The following SRGAP1 variants were observed in gnomAD, a reference collection of about 807,000 sequenced individuals.
SRGAP1 encodes the protein SLIT-ROBO Rho GTPase-activating protein 1.
In SRGAP1, 43 loss-of-function variants were observed where a neutral mutation model predicts 121.9. That is an observed-to-expected ratio of 0.35 (90% CI 0.28 to 0.46). The LOEUF (loss-of-function observed/expected upper bound fraction) is 0.46. Ranked by LOEUF, SRGAP1 falls within the 20% of genes least tolerant of loss-of-function variation. The pLI is 1.00. For synonymous variants in SRGAP1, 447 were observed against 485.4 expected, an observed-to-expected ratio of 0.92 and a Z score of 1.04; for missense variants, 1,102 against 1,350.9, an observed-to-expected ratio of 0.82 and a Z score of 2.89.
At chr12:63,910,529 T>C (rs1485750196) in intron 1 of SRGAP1, among the ~76,000 whole-genome samples, 1 of 152,334 alleles carries the variant, frequency 6.6e-6, no homozygotes, top group East Asian at 1.9e-4. Context: ...CTGACCCATT[T>C]TGATCTTGCA....
chr12:63,910,912 G>C (rs541532140), intron 1 of SRGAP1, among the ~76,000 whole-genome samples: 4 of 152,156 alleles, frequency 2.6e-5, no homozygotes, highest in Admixed American at 6.5e-5. Flanking sequence ...GACAACTCTA[G>C]AGTAGAGATG....
intron 3 of SRGAP1, among the ~76,000 whole-genome samples, chr12:63,998,738 C>T (rs2033788257): frequency 6.6e-6 from 1 of 152,288 alleles, no homozygotes; most frequent in Non-Finnish European, 1.5e-5. Context: ...ACTCTTAAGA[C>T]AATACCAGGC....
At chr12:63,910,649 AATATCT>A (rs1233184251) in intron 1 of SRGAP1, among the ~76,000 whole-genome samples, 1 of 152,222 alleles carries the variant, frequency 6.6e-6, no homozygotes, top group African/African-American at 2.4e-5. Flanking sequence ...ATGATTTAGT[AATATCT>A]ATAAGACATG....
intron 10 of SRGAP1, among the ~76,000 whole-genome samples, chr12:64,084,815 A>G (rs2035909854): frequency 6.6e-6 from 1 of 152,140 alleles, no homozygotes; most frequent in Admixed American, 6.5e-5. Context: ...AGGAATTCTC[A>G]TTGGCATCAT....
chr12:64,136,542 T>C (rs1258999471), intron 21 of SRGAP1, among the ~76,000 whole-genome samples: 1 of 152,224 alleles, frequency 6.6e-6, no homozygotes, highest in Non-Finnish European at 1.5e-5. Context: ...AGATGGGTTA[T>C]TTTTAATAAA....
intron 4 of SRGAP1, among the ~76,000 whole-genome samples, chr12:64,026,444 G>A (rs966032975): frequency 1.3e-5 from 2 of 152,148 alleles, no homozygotes; most frequent in Non-Finnish European, 2.9e-5. Context: ...CTCTAAATCA[G>A]TTGTTATCAG....
chr12:63,997,398 C>T (rs956885967), intron 3 of SRGAP1, among the ~76,000 whole-genome samples: 26 of 151,942 alleles, frequency 1.7e-4, no homozygotes, highest in Non-Finnish European at 3.4e-4. Flanking sequence ...TGATGCATTC[C>T]TTAGAATATG....
intron 1 of SRGAP1, among the ~76,000 whole-genome samples, chr12:63,965,433 C>G (rs1021796518): frequency 1.3e-5 from 2 of 152,054 alleles, no homozygotes; most frequent in African/African-American, 4.8e-5. Flanking sequence ...GTTACATTTT[C>G]TAACTTTTTA....
intron 8 of SRGAP1, among the ~76,000 whole-genome samples, chr12:64,073,689 A>G (rs902522777): frequency 6.0e-5 from 9 of 150,412 alleles, no homozygotes; most frequent in Non-Finnish European, 3.0e-5. Flanking sequence ...TTATTGTTGT[A>G]TTATTATTTT....
chr12:64,090,432 A>G (rs2036030248), intron 11 of SRGAP1, among the ~76,000 whole-genome samples: 2 of 152,260 alleles, frequency 1.3e-5, no homozygotes, highest in South Asian at 4.1e-4. Context: ...CAAATTAGAA[A>G]AAGCAGTGAA....
At chr12:64,019,781 C>G (rs1231916506) in intron 4 of SRGAP1, among the ~76,000 whole-genome samples, 1 of 152,188 alleles carries the variant, frequency 6.6e-6, no homozygotes. Flanking sequence ...CCCCATTCAA[C>G]CACTCACTGG....
intron 11 of SRGAP1, 45 bp downstream of exon 11, chr12:64,087,071 C>T (rs758678508): frequency 2.8e-6 from 4 of 1,436,734 alleles, no homozygotes; most frequent in Non-Finnish European, 3.8e-6. Context: ...TTTACTTTCT[C>T]TTTAACAAGA....
At chr12:63,979,712 T>C (rs917283973) in intron 1 of SRGAP1, among the ~76,000 whole-genome samples, 2 of 152,090 alleles carry the variant, frequency 1.3e-5, no homozygotes, top group African/African-American at 4.8e-5. Context: ...TAACACAAAA[T>C]GGAAACTCAA....
At position 64,142,286 on chromosome 12, in the gene SRGAP1, C is replaced by CT. The variant is rs2036977629; in HGVS notation, c.2881-7dup. The CT allele has an allele frequency of 6.2e-7, 1 of 1,608,792 alleles. No individual in the cohort carries two copies. The highest frequency in any genetic ancestry group is 1.3e-5 in the African/African-American group (1 of 74,636). ...TGTGCTTTCTCTCTTTCCGATTATT[C>CT]TTCAATAGGATATTGAAGAAACGAT... On this transcript the variant is annotated splice_polypyrimidine_tract_variant and intron_variant, in intron 21 of 21. Coordinates refer to ENST00000355086, the MANE Select transcript of SRGAP1 (RefSeq NM_020762.4).
At chr12:64,005,527 T>C (rs991023806) in intron 3 of SRGAP1, among the ~76,000 whole-genome samples, 1 of 152,030 alleles carries the variant, frequency 6.6e-6, no homozygotes, top group Non-Finnish European at 1.5e-5. Flanking sequence ...ACATCTGTAG[T>C]CCCACCTACT....
At chr12:63,859,245 C>T (rs904700303) in intron 1 of SRGAP1, among the ~76,000 whole-genome samples, 2 of 152,042 alleles carry the variant, frequency 1.3e-5, no homozygotes, top group Non-Finnish European at 2.9e-5. Context: ...ATTGCAACCG[C>T]CACCTCCCAG....
chr12:64,000,275 T>TGTG (rs1555163998), intron 3 of SRGAP1, among the ~76,000 whole-genome samples: 1,463 of 133,242 alleles, frequency 0.011, 12 homozygotes, highest in Middle Eastern at 0.024. Flanking sequence ...TGTGTGTGTG[T>TGTG]AAAAAAAAAA....
Position 63,969,477 on chromosome 12 carries a change from G to A in SRGAP1, c.68-14470G>A, listed in dbSNP as rs187711769. ...AAAGTCTGATACCTGGAATGTACTG[G>A]CAGCAAAATGTACTGTTTAAAAATC... On this transcript the variant is annotated intron_variant, in intron 1 of 21. Transcript: ENST00000355086. 7.7e-3 allele frequency among the ~76,000 whole-genome samples: 1,171 copies of A among 151,172 alleles called. 14 individuals carry two copies. The highest frequency in any genetic ancestry group is 0.026 in the African/African-American group (1,095 of 41,482).
At chr12:63,905,969 C>T (rs1341681691) in intron 1 of SRGAP1, among the ~76,000 whole-genome samples, 1 of 152,170 alleles carries the variant, frequency 6.6e-6, no homozygotes, top group Non-Finnish European at 1.5e-5. Flanking sequence ...GTTGTGCAGC[C>T]ATCACTGCAA....
Sources: allele counts gnomAD v4.1 joint callset (sites outside exome capture counted in the v4.1 genomes callset), GRCh38; gene constraint gnomAD v4.1.1; transcripts MANE v1.5; gene names NCBI Gene and HGNC (gene_info 2026-07-23, HGNC 2026-07-21).